RTL1: variants seen among roughly 807,000 people sequenced by gnomAD.
RTL1 encodes the protein retrotransposon Gag like 1.
For synonymous variants in RTL1, 727 were observed against 748.4 expected, an observed-to-expected ratio of 0.97 and a Z score of 0.47; for missense variants, 1,681 against 1,767.5, an observed-to-expected ratio of 0.95 and a Z score of 0.88.
In RTL1 at chr14:100,894,002, A is replaced by T. The variant is rs75256124; in HGVS notation, c.-148-497T>A. On this transcript the variant is annotated intron_variant, in intron 2 of 3. Coordinates refer to ENST00000649591, the MANE Select transcript of RTL1 (RefSeq NM_001134888.3). ...TGGACAACCATTTTGCTCTCTAGCA[A>T]ATGGATAGAAAAGTTTATGTGAGTC... Among the ~76,000 whole-genome samples the T allele has an allele frequency of 1.8e-3, 272 of 152,294 alleles. 1 individual carries two copies. The highest frequency in any genetic ancestry group is 0.01 in the Middle Eastern group (3 of 294).
chr14:100,903,718 G>T lies in RTL1; in HGVS notation c.-358C>A, dbSNP rs1025815593. Among the ~76,000 whole-genome samples, 1 of 152,162 alleles carries T rather than the reference G, an allele frequency of 6.6e-6. No homozygotes were observed. The highest frequency in any genetic ancestry group is 2.4e-5 in the African/African-American group (1 of 41,436). On this transcript the variant is annotated 5_prime_UTR_variant, in exon 1 of 4. Coordinates refer to ENST00000649591, the MANE Select transcript of RTL1 (RefSeq NM_001134888.3). ...GCGAGGCTGTGCCGAGTGCTGGGGGGGTGTGGGTGGGCAGGGGACGGATTG... is the reference window on the plus strand; with the variant it reads ...GCGAGGCTGTGCCGAGTGCTGGGGGTGTGTGGGTGGGCAGGGGACGGATTG...
chr14:100,895,111 T>C (rs2038837248), intron 2 of RTL1: 1 of 152,286 alleles, frequency 6.6e-6, no homozygotes, highest in Non-Finnish European at 1.5e-5. Context: ...GTCAGGGTCG[T>C]ATAACCTTAA....
intron 3 of RTL1, among the ~76,000 whole-genome samples, chr14:100,885,443 T>C (rs1364290050): frequency 6.6e-6 from 1 of 151,954 alleles, no homozygotes; most frequent in Non-Finnish European, 1.5e-5. Context: ...GTCCCGTCAG[T>C]TGGGTCAGCA....
chr14:100,896,823 A>G (rs970844387), intron 2 of RTL1, among the ~76,000 whole-genome samples: 1 of 152,172 alleles, frequency 6.6e-6, no homozygotes, highest in Non-Finnish European at 1.5e-5. Context: ...GCTCCTTACC[A>G]GCAAGCCGTC....
intron 3 of RTL1, among the ~76,000 whole-genome samples, chr14:100,885,998 G>A (rs2038693300): frequency 6.6e-6 from 1 of 152,106 alleles, no homozygotes; most frequent in African/African-American, 2.4e-5. Flanking sequence ...GTCCCAGAGT[G>A]GATTTTTGGA....
At chr14:100,902,494 C>T (rs555681714) in intron 2 of RTL1, among the ~76,000 whole-genome samples, 93 of 152,328 alleles carry the variant, frequency 6.1e-4, no homozygotes, top group African/African-American at 2.2e-3. Flanking sequence ...TCTCAGCCCT[C>T]TTGGGTTTTC....
rs1176088832 is a variant in RTL1 at position 100,882,148 on chromosome 14, C to T, written c.2641G>A (p.Val881Ile). The T allele has an allele frequency of 1.2e-5, 18 of 1,551,000 alleles. No homozygotes were observed. The highest frequency in any genetic ancestry group is 1.5e-5 in the Non-Finnish European group (17 of 1,147,216). The change falls in exon 4 of 4, where the codon GTC becomes ATC. Residue 881 changes from valine to isoleucine, a missense_variant. By Grantham distance (29) the Val-to-Ile change is conservative. Transcript: ENST00000649591. ...PQNPFYLETG[V>I]TGTALHASLI... ...GAGGCGTGCAGGGCCGTGCCGGTGA[C>T]GCCGGTTTCCAAGTAGAATGGGTTC...
At chr14:100,898,740 G>A (rs1484740134) in intron 2 of RTL1, among the ~76,000 whole-genome samples, 2 of 152,184 alleles carry the variant, frequency 1.3e-5, no homozygotes, top group East Asian at 1.9e-4. Flanking sequence ...GTTTCTCCCC[G>A]GCCTTAAAGA....
At chr14:100,891,643 C>T (rs1012365716) in intron 3 of RTL1, among the ~76,000 whole-genome samples, 7 of 152,320 alleles carry the variant, frequency 4.6e-5, no homozygotes, top group Admixed American at 2.6e-4. Context: ...GGGCGTGTGC[C>T]GCCTGCGGGA....
At chr14:100,902,670 A>G (rs912872474) in intron 2 of RTL1, among the ~76,000 whole-genome samples, 1 of 152,238 alleles carries the variant, frequency 6.6e-6, no homozygotes, top group African/African-American at 2.4e-5. Flanking sequence ...CTCCCGAGCC[A>G]GGCAGACCGG....
chr14:100,882,016 G>A lies in RTL1; in HGVS notation c.2773C>T (p.Leu925Phe). 1 of 1,613,654 alleles carries A rather than the reference G, an allele frequency of 6.2e-7. No homozygotes were observed. The highest frequency in any genetic ancestry group is 8.5e-7 in the Non-Finnish European group (1 of 1,179,830). Residue 925 changes from leucine (L) to phenylalanine (F), a missense_variant, in exon 4 of 4, where the codon CTT (leucine) becomes TTT (phenylalanine). Transcript: ENST00000649591. ...VEYSQAEMKI[L>F]PIRAAFMVWC... ...ACCATGAAGGCAGCCCGTATTGGAA[G>A]AATCTTCATCTCCGCTTGAGAGTAC... is the stretch of plus-strand genomic sequence containing the variant.
intron 3 of RTL1, among the ~76,000 whole-genome samples, chr14:100,888,362 A>G (rs1258914420): frequency 6.6e-6 from 1 of 152,196 alleles, no homozygotes; most frequent in African/African-American, 2.4e-5. Flanking sequence ...ATAAAGTCCC[A>G]ACTACTTAAC....
In RTL1 at chr14:100,897,754, G is replaced by GC. The variant is rs2038882880; in HGVS notation, c.-148-4250_-148-4249insG. The GC allele has an allele frequency of 5.3e-3, 714 of 134,746 alleles. 50 individuals carry two copies. Among genetic ancestry groups the GC allele is most frequent in the African/African-American group, 0.024 (665 of 27,196 alleles). 8.3% of individuals were successfully genotyped at this position (134,746 alleles called of 1,614,324 possible). A position where few individuals can be genotyped will look rare whatever the true frequency, so the allele number is the denominator to read the frequency against. ...TCAGGTCCTTTACCCTGGTTGGCGG[G>GC]GGGGGGGGTGGGGGGGTGGGGGGCG... On this transcript the variant is annotated intron_variant, in intron 2 of 3. Coordinates refer to ENST00000649591, the MANE Select transcript of RTL1 (RefSeq NM_001134888.3).
chr14:100,890,566 A>G (rs557218738), intron 3 of RTL1, among the ~76,000 whole-genome samples: 2 of 151,900 alleles, frequency 1.3e-5, no homozygotes, highest in African/African-American at 4.8e-5. Context: ...GAGGATGGAA[A>G]GGGGAGTAAG....
intron 2 of RTL1, among the ~76,000 whole-genome samples, chr14:100,900,697 T>C (rs2038929706): frequency 6.6e-6 from 1 of 152,182 alleles, no homozygotes; most frequent in Admixed American, 6.5e-5. Flanking sequence ...TTTTCACATC[T>C]ACACCAAAGC....
Position 100,882,910 on chromosome 14 carries a change from CTCTT to C in RTL1, c.1875_1878del (p.Arg626ProfsTer14). On this transcript the variant is annotated frameshift_variant, in exon 4 of 4. Coordinates refer to ENST00000649591, the MANE Select transcript of RTL1 (RefSeq NM_001134888.3). LOFTEE classifies it low-confidence loss of function (END_TRUNC). ...TCCCAGTATTCCTCCTGTAGCCTGG[CTCTT>C]TCTTGCATCCTGGCACCCACAGGTT... 6.2e-7 allele frequency: 1 copy of C among 1,606,158 alleles called. No individual in the cohort carries two copies. The highest frequency in any genetic ancestry group is 8.5e-7 in the Non-Finnish European group (1 of 1,175,504).
At position 100,886,247 on chromosome 14, in the gene RTL1, C is replaced by T. The variant is rs150305521; in HGVS notation, c.-86-1373G>A. On this transcript the variant is annotated intron_variant, in intron 3 of 3. Coordinates refer to ENST00000649591, the MANE Select transcript of RTL1 (RefSeq NM_001134888.3). ...AAAAAAAAAACTGCGTTCCCCCTTA[C>T]GTGAAACTCATTGGCTAAAATCCAA... Among the ~76,000 whole-genome samples the T allele has an allele frequency of 5.0e-3, 749 of 151,216 alleles. 2 individuals are homozygous for T. Among genetic ancestry groups the T allele is most frequent in the South Asian group, 8.0e-3 (38 of 4,778 alleles).
chr14:100,902,608 T>TAGCAGCAGCAGC lies in RTL1; in HGVS notation c.-149+671_-149+682dup, dbSNP rs34441254. ...CGGCCAGCCCTGGTCAGCCCTGCAG[T>TAGCAGCAGCAGC]AGCAGCAGCAGCAGCAGCAGCAGCA... On this transcript the variant is annotated intron_variant, in intron 2 of 3. Coordinates refer to ENST00000649591, the MANE Select transcript of RTL1 (RefSeq NM_001134888.3). Among the ~76,000 whole-genome samples the TAGCAGCAGCAGC allele has an allele frequency of 4.1e-3, 616 of 151,794 alleles. 1 individual carries two copies. The highest frequency in any genetic ancestry group is 6.8e-3 in the Non-Finnish European group (459 of 67,820).
intron 2 of RTL1, among the ~76,000 whole-genome samples, chr14:100,900,449 A>G (rs2092965): frequency 0.85 from 129,658 of 151,958 alleles, 55,805 homozygotes; most frequent in East Asian, 0.99. Flanking sequence ...GAGCCTGGTC[A>G]GGCACATGTC....
Sources: gnomAD v4.1 joint callset for allele counts (sites outside exome capture counted in the v4.1 genomes callset) on GRCh38, gnomAD v4.1.1 for gene constraint, MANE v1.5 for transcripts, NCBI Gene and HGNC (gene_info 2026-07-23, HGNC 2026-07-21) for gene names.